DEK: variants seen among roughly 807,000 people sequenced by gnomAD.
DEK encodes protein DEK.
A neutral mutation model predicts 46.8 loss-of-function variants in DEK; 28 were observed. The observed-to-expected ratio is 0.60, with a 90% CI of 0.44 to 0.82. DEK has a LOEUF of 0.82. Ranked by LOEUF, DEK falls within the 40% of genes least tolerant of loss-of-function variation. The pLI is 0.00. For missense variants in DEK, 416 were observed against 430.6 expected (o/e 0.97, Z 0.30); for synonymous variants, 160 against 144.5 (o/e 1.11, Z -0.77).
At position 18,263,939 on chromosome 6, in the gene DEK, G is replaced by A; in HGVS notation, c.49C>T (p.Pro17Ser). The A allele has an allele frequency of 6.2e-7, 1 of 1,613,384 alleles. No homozygotes were observed. The highest frequency in any genetic ancestry group is 8.5e-7 in the Non-Finnish European group (1 of 1,179,694). ...AAEGEGTPTQ[P>S]ASEKEPEMPG... ...ATTTCGGGTTCTTTCTCGGACGCGG[G>A]CTGGGTGGGGGTTCCCTCCCCCTCC... Residue 17 changes from proline (P) to serine (S), a missense_variant, in exon 2 of 11, where the codon CCC (proline) becomes TCC (serine). Coordinates refer to ENST00000652689, the MANE Select transcript of DEK (RefSeq NM_003472.4).
In DEK at chr6:18,253,470, A is replaced by C. The variant is rs754280307; in HGVS notation, c.573+2261T>G. On this transcript the variant is annotated intron_variant, in intron 6 of 10. Transcript: ENST00000652689. ...TGATTTAATGACAGTGTTCAATAAA[A>C]CGTCAACATTTGGAAGACATAATTC... 9.2e-5 allele frequency among the ~76,000 whole-genome samples: 14 copies of C among 152,188 alleles called. 1 individual carries two copies. The highest frequency in any genetic ancestry group is 6.5e-5 in the Admixed American group (1 of 15,282).
rs1790657461 is a variant in DEK at position 18,236,573 on chromosome 6, T to C, written c.926A>G (p.Asp309Gly). 6.3e-7 allele frequency: 1 copy of C among 1,575,160 alleles called. No individual in the cohort carries two copies. The highest frequency in any genetic ancestry group is 2.3e-5 in the East Asian group (1 of 42,902). The change falls in exon 9 of 11, where the codon GAT becomes GGT. Residue 309 changes from aspartate to glycine, a missense_variant. Physicochemically the swap from Asp to Gly is moderately conservative, Grantham distance 94 (BLOSUM62 -1). Transcript: ENST00000652689. ...KESESEDSSD[D>G]EPLIKKLKKP... Reference sequence around the variant, plus strand: ...CTTCAACTTTTTAATTAAAGGTTCATCATCTGAACTATCCTCAGACTCACT... The same window carrying C: ...CTTCAACTTTTTAATTAAAGGTTCACCATCTGAACTATCCTCAGACTCACT...
intron 7 of DEK, among the ~76,000 whole-genome samples, chr6:18,249,385 T>C (rs1791264709): frequency 6.6e-6 from 1 of 152,176 alleles, no homozygotes; most frequent in Admixed American, 6.5e-5. Flanking sequence ...CCTTCCCATT[T>C]ATCTACTCTA....
At chr6:18,255,988 T>C in intron 5 of DEK, 137 bp from the exon 6 acceptor site, 1 of 983,268 alleles carries the variant, frequency 1.0e-6, no homozygotes, top group South Asian at 2.2e-5. Flanking sequence ...CTATGAATCT[T>C]TTTTCTTTTT....
chr6:18,263,046 G>A (rs190650021), intron 2 of DEK, among the ~76,000 whole-genome samples: 25 of 152,254 alleles, frequency 1.6e-4, no homozygotes, highest in Non-Finnish European at 2.6e-4. Context: ...GCTAAGAGAT[G>A]CGACTCGGAT....
chr6:18,230,295 C>T (rs551581298), intron 9 of DEK, among the ~76,000 whole-genome samples: 56 of 152,178 alleles, frequency 3.7e-4, no homozygotes, highest in Admixed American at 5.9e-4. Flanking sequence ...TAAAGACCAT[C>T]GATGCTAGGA....
At chr6:18,237,619 C>T (rs1790715596) in intron 7 of DEK, 103 bp from the exon 8 acceptor site, 3 of 1,388,916 alleles carry the variant, frequency 2.2e-6, no homozygotes, top group African/African-American at 3.0e-5. Flanking sequence ...TAGAGAAAAC[C>T]AATATATTTG....
chr6:18,228,519 G>GGTGGGTACAGGACA (rs1294841047), intron 9 of DEK, among the ~76,000 whole-genome samples: 7 of 151,966 alleles, frequency 4.6e-5, no homozygotes, highest in South Asian at 2.1e-4. Flanking sequence ...CTTGTCGGAC[G>GGTGGGTACAGGACA]GTGGGTACAG....
intron 6 of DEK, among the ~76,000 whole-genome samples, chr6:18,254,901 C>T (rs1302313045): frequency 3.9e-5 from 6 of 152,288 alleles, no homozygotes; most frequent in Non-Finnish European, 7.3e-5. Context: ...CCTCGTGCAG[C>T]TAATGGTAAT....
rs1554162972 is a variant in DEK, at chr6:18,260,985, C to CCA, written c.146-2581_146-2580insTG. On this transcript the variant is annotated intron_variant, in intron 2 of 10. Transcript: ENST00000652689. ...TGGGTGACAAGTGAGACCTTGTCTCCAAAAAAAAAAAAAAAAAAGAAAGAA... is the reference window on the plus strand; with the variant it reads ...TGGGTGACAAGTGAGACCTTGTCTCCCAAAAAAAAAAAAAAAAAAAGAAAGAA... 3.8e-5 allele frequency among the ~76,000 whole-genome samples: 3 copies of CCA among 78,030 alleles called. No homozygotes were observed. The East Asian group carries it at 9.9e-4, about 26-fold the overall frequency. 51.2% of individuals were successfully genotyped at this position (78,030 alleles called of 152,430 possible). A position where few individuals can be genotyped will look rare whatever the true frequency, so the allele number is the denominator to read the frequency against.
Position 18,227,879 on chromosome 6 carries a change from TC to T in DEK, c.1048-1638del, listed in dbSNP as rs1222245681. Among the ~76,000 whole-genome samples, 3 of 152,322 alleles carry T rather than the reference TC, an allele frequency of 2.0e-5. No homozygotes were observed. In the East Asian group the frequency reaches 5.8e-4, roughly 29 times the overall value. On this transcript the variant is annotated intron_variant, in intron 9 of 10. Transcript: ENST00000652689. Reference sequence around the variant, plus strand: ...TATTATCCAGCACCCTACCTATGATTCCACAACCTGAAAAGCAATGAACTGC... The same window carrying T: ...TATTATCCAGCACCCTACCTATGATTCACAACCTGAAAAGCAATGAACTGC...
At position 18,224,139 on chromosome 6, in the gene DEK, T is replaced by C. The variant is rs997921550; in HGVS notation, c.*1580A>G. ...TTATTCCCCATAAGGAAATGCTATATACACCTATAAGATATCAAATGCAAG... is the reference window on the plus strand; with the variant it reads ...TTATTCCCCATAAGGAAATGCTATACACACCTATAAGATATCAAATGCAAG... On this transcript the variant is annotated 3_prime_UTR_variant, in exon 11 of 11. Transcript: ENST00000652689. 1 of 169,782 alleles carries C rather than the reference T, an allele frequency of 5.9e-6. No homozygotes were observed. The highest frequency in any genetic ancestry group is 1.3e-5 in the Non-Finnish European group (1 of 77,888). 10.5% of individuals were successfully genotyped at this position (169,782 alleles called of 1,614,324 possible).
intron 9 of DEK, among the ~76,000 whole-genome samples, chr6:18,229,709 C>A (rs1790320649): frequency 6.6e-6 from 1 of 152,126 alleles, no homozygotes; most frequent in Non-Finnish European, 1.5e-5. Flanking sequence ...ACAAAGCCTC[C>A]AAGAAACACG....
intron 4 of DEK, among the ~76,000 whole-genome samples, chr6:18,257,656 C>T (rs1413317241): frequency 2.0e-5 from 3 of 151,440 alleles, no homozygotes; most frequent in Non-Finnish European, 4.4e-5. Flanking sequence ...GTTGAGGCTG[C>T]AGTGAGCCAT....
intron 10 of DEK, 32 bp from the exon 11 acceptor site, chr6:18,225,762 A>G (rs747567417): frequency 9.9e-6 from 16 of 1,612,536 alleles, no homozygotes; most frequent in Non-Finnish European, 1.4e-5. Context: ...ATTTTGCCAT[A>G]AATCATAAAC....
chr6:18,238,754 C>T (rs1000307917), intron 7 of DEK, among the ~76,000 whole-genome samples: 6 of 151,468 alleles, frequency 4.0e-5, no homozygotes, highest in African/African-American at 9.7e-5. Flanking sequence ...AATTAGAAAG[C>T]ATTAATTCTT....
intron 9 of DEK, among the ~76,000 whole-genome samples, chr6:18,228,337 G>A (rs1007923560): frequency 6.6e-6 from 1 of 152,122 alleles, no homozygotes; most frequent in Non-Finnish European, 1.5e-5. Flanking sequence ...GCTGTAGTAT[G>A]CCAACCCTCT....
rs184793734 is a variant in DEK, at chr6:18,232,366, A to T, written c.1047+4086T>A. Among the ~76,000 whole-genome samples, 585 of 152,306 alleles carry T rather than the reference A, an allele frequency of 3.8e-3. 3 individuals carry two copies. The highest frequency in any genetic ancestry group is 0.013 in the African/African-American group (523 of 41,570). On this transcript the variant is annotated intron_variant, in intron 9 of 10. Transcript: ENST00000652689. ...TAGTGCTGGAAGTTCTGGCCAGGGC[A>T]ATCAGGCAGGAGAAAGAAAATAAAG...
chr6:18,252,345 A>G (rs1461185062), intron 6 of DEK, among the ~76,000 whole-genome samples: 2 of 151,864 alleles, frequency 1.3e-5, no homozygotes, highest in Non-Finnish European at 2.9e-5. Flanking sequence ...CCTTGTCTCT[A>G]AGAAAATGTA....
Sources: allele counts gnomAD v4.1 joint callset (sites outside exome capture counted in the v4.1 genomes callset), GRCh38; gene constraint gnomAD v4.1.1; transcripts MANE v1.5; gene names NCBI Gene and HGNC (gene_info 2026-07-23, HGNC 2026-07-21).